USP43: variants seen among roughly 807,000 people sequenced by gnomAD.
USP43 encodes ubiquitin specific peptidase 43.
Under a neutral mutation model 90.7 loss-of-function variants are expected in USP43, and 33 were observed. The ratio of observed to expected loss-of-function variants is 0.36; its 90% CI spans 0.28 to 0.49. The LOEUF is 0.49. Among genes scored for constraint, USP43 ranks in the 20% least tolerant of loss-of-function variants. USP43 has a pLI of 0.98. For missense variants in USP43, 1,274 were observed against 1,476.4 expected (o/e 0.86, Z 2.25); for synonymous variants, 598 against 615.8 (o/e 0.97, Z 0.43).
intron 2 of USP43, among the ~76,000 whole-genome samples, chr17:9,663,075 C>G (rs1912755496): frequency 6.6e-6 from 1 of 151,980 alleles, no homozygotes. Flanking sequence ...ACCTCGGCTT[C>G]CCAAAGTGCT....
intron 2 of USP43, among the ~76,000 whole-genome samples, chr17:9,661,747 A>G (rs1397243721): frequency 7.1e-6 from 1 of 140,238 alleles, no homozygotes; most frequent in Non-Finnish European, 1.5e-5. Flanking sequence ...CAGCTAACAG[A>G]GCAGAGCCAG....
At position 9,674,974 on chromosome 17, in the gene USP43, G is replaced by T; in HGVS notation, c.824G>T (p.Arg275Leu). The T allele has an allele frequency of 6.2e-7, 1 of 1,613,880 alleles. No individual in the cohort carries two copies. The highest frequency in any genetic ancestry group is 8.5e-7 in the Non-Finnish European group (1 of 1,179,806). The change falls in exon 4 of 15, where the codon CGC becomes CTC. Residue 275 changes from arginine to leucine, a missense_variant. Coordinates refer to ENST00000285199, the MANE Select transcript of USP43 (RefSeq NM_153210.5). This position sits in a 1 kb window ranked among gnomAD's most constrained non-coding sequence, Gnocchi z 4.4. Reference sequence around the variant, plus strand: ...TGTGTGTCCCTACCTATCCCCTTGCGCCAGACGAGGTACGTGAGTGTCGCG... The same window carrying T: ...TGTGTGTCCCTACCTATCCCCTTGCTCCAGACGAGGTACGTGAGTGTCGCG... ...FLCVSLPIPL[R>L]QTRFLSVTLV...
intron 8 of USP43, among the ~76,000 whole-genome samples, chr17:9,690,372 C>T (rs1344427737): frequency 1.3e-5 from 2 of 151,976 alleles, no homozygotes; most frequent in Admixed American, 6.6e-5. Flanking sequence ...AATTTAAGCA[C>T]CTATTTCTTT....
At chr17:9,655,275 T>C (rs1296031737) in intron 1 of USP43, among the ~76,000 whole-genome samples, 1 of 152,146 alleles carries the variant, frequency 6.6e-6, no homozygotes, top group Non-Finnish European at 1.5e-5. Context: ...CATCACGTGC[T>C]GTGTGCATGT....
At chr17:9,713,029 G>C (rs574517412) in intron 14 of USP43, among the ~76,000 whole-genome samples, 1 of 152,088 alleles carries the variant, frequency 6.6e-6, no homozygotes, top group Non-Finnish European at 1.5e-5. Flanking sequence ...ACAATATATT[G>C]TTGGTAACTG....
Position 9,682,838 on chromosome 17 carries a change from T to G in USP43, c.1121T>G (p.Leu374Arg). The change falls in exon 7 of 15, where the codon CTG becomes CGG. Residue 374 changes from leucine (L) to arginine (R), a missense_variant. Around this residue, in one of 6 missense-constraint regions of USP43, gnomAD observed 253 missense variants for 276.0 expected, o/e 0.92. Coordinates refer to ENST00000285199, the MANE Select transcript of USP43 (RefSeq NM_153210.5). Reference sequence around the variant, plus strand: ...TCCCTTCTAGCTCATCCACTGGGTCTGTCGGCCTCCCCACGCCTGGCAGCC... The same window carrying G: ...TCCCTTCTAGCTCATCCACTGGGTCGGTCGGCCTCCCCACGCCTGGCAGCC... ...QGTLSAHPLG[L>R]SASPRLAARE... 1 of 1,613,998 alleles carries G rather than the reference T, an allele frequency of 6.2e-7. No homozygotes were observed. The highest frequency in any genetic ancestry group is 8.5e-7 in the Non-Finnish European group (1 of 1,179,864).
rs1217820810 is a variant in USP43 at position 9,674,695 on chromosome 17, C to T, written c.741-196C>T. ...TGTTGATGGACGGTTGGGTTGTTCC[C>T]ACCTTAACTATTGTGAATAGAGCAG... On this transcript the variant is annotated intron_variant, in intron 3 of 14. Transcript: ENST00000285199. The surrounding 1 kb of genome is among the most constrained non-coding windows in gnomAD (Gnocchi z 4.4). Among the ~76,000 whole-genome samples, 1 of 152,182 alleles carries T rather than the reference C, an allele frequency of 6.6e-6. No individual in the cohort carries two copies. The highest frequency in any genetic ancestry group is 2.4e-5 in the African/African-American group (1 of 41,428).
chr17:9,693,092 T>C (rs1156543277), intron 8 of USP43, 35 bp from the exon 9 acceptor site: 1 of 1,527,132 alleles, frequency 6.5e-7, no homozygotes, highest in Non-Finnish European at 9.0e-7. Flanking sequence ...ATATAGGGGC[T>C]ACGTAATGAT....
chr17:9,710,477 C>A (rs932423195), intron 13 of USP43, among the ~76,000 whole-genome samples: 1 of 145,390 alleles, frequency 6.9e-6, no homozygotes, highest in African/African-American at 2.6e-5. Context: ...ATAAAGGATG[C>A]AGGACTTTTC....
intron 5 of USP43, among the ~76,000 whole-genome samples, chr17:9,677,097 C>T (rs781657587): frequency 2.0e-5 from 3 of 152,104 alleles, no homozygotes; most frequent in African/African-American, 7.2e-5. Flanking sequence ...CTTTGCCTTC[C>T]GAGAAGGCAA....
In USP43 at chr17:9,701,650, T is replaced by C; in HGVS notation, c.1961T>C (p.Leu654Pro). Residue 654 changes from leucine to proline, a missense_variant, in exon 12 of 15, where the codon CTG (leucine) becomes CCG (proline). Physicochemically the swap from Leu to Pro is moderately conservative, Grantham distance 98 (BLOSUM62 -3). Around this residue, in one of 6 missense-constraint regions of USP43, gnomAD observed 285 missense variants for 349.6 expected, o/e 0.82. Coordinates refer to ENST00000285199, the MANE Select transcript of USP43 (RefSeq NM_153210.5). This position sits in a 1 kb window ranked among gnomAD's most constrained non-coding sequence, Gnocchi z 7.2. ...TACCCGCTGGACTTCCTGTACGACC[T>C]GTATGCCGTCTGCAACCACCATGGC... ...TSYPLDFLYD[L>P]YAVCNHHGNL... 1 of 1,589,030 alleles carries C rather than the reference T, an allele frequency of 6.3e-7. No homozygotes were observed. Among genetic ancestry groups the C allele is most frequent in the Non-Finnish European group, 8.6e-7 (1 of 1,168,258 alleles).
At position 9,729,076 on chromosome 17, in the gene USP43, A is replaced by C; in HGVS notation, c.*86A>C. 1 of 1,331,606 alleles carries C rather than the reference A, an allele frequency of 7.5e-7. No individual in the cohort carries two copies. Among genetic ancestry groups the C allele is most frequent in the Non-Finnish European group, 9.9e-7 (1 of 1,014,576 alleles). The allele number at this position is 1,331,606 out of a possible 1,614,324, so 82.5% of individuals were successfully genotyped here. A position where few individuals can be genotyped will look rare whatever the true frequency, so the allele number is the denominator to read the frequency against. On this transcript the variant is annotated 3_prime_UTR_variant, in exon 15 of 15. Transcript: ENST00000285199. ...CAGCTCATGTTGAGAATGGGTTTCC[A>C]GGAAACCCGTTGTCTTGTAATCTCT...
At chr17:9,691,876 C>T (rs986945852) in intron 8 of USP43, among the ~76,000 whole-genome samples, 1 of 151,398 alleles carries the variant, frequency 6.6e-6, no homozygotes, top group Non-Finnish European at 1.5e-5. Flanking sequence ...CCCGTCTTTA[C>T]TAAAAATACA....
chr17:9,728,581 T>C lies in USP43; in HGVS notation c.2963T>C (p.Leu988Pro). 1.2e-6 allele frequency: 2 copies of C among 1,613,972 alleles called. No individual in the cohort carries two copies. The highest frequency in any genetic ancestry group is 1.7e-6 in the Non-Finnish European group (2 of 1,179,878). The change falls in exon 15 of 15, where the codon CTA (leucine) becomes CCA (proline). Residue 988 changes from leucine to proline, a missense_variant. By Grantham distance (98) the Leu-to-Pro change is moderately conservative. This residue lies in a region of USP43 where 353 missense variants were observed against 329.7 expected (regional missense o/e 1.07). Coordinates refer to ENST00000285199, the MANE Select transcript of USP43 (RefSeq NM_153210.5). The surrounding 1 kb of genome is among the most constrained non-coding windows in gnomAD (Gnocchi z 6.2). Reference sequence around the variant, plus strand: ...GACAGTCGCCGAGGCACCTCTGAGCTAGACAGACCCCTGCAGGGGACACTC... The same window carrying C: ...GACAGTCGCCGAGGCACCTCTGAGCCAGACAGACCCCTGCAGGGGACACTC... The part of the protein sequence containing the change: ...SKDSRRGTSE[L>P]DRPLQGTLTL...
At chr17:9,699,547 CT>C (rs1915455198) in intron 9 of USP43, among the ~76,000 whole-genome samples, 1 of 152,218 alleles carries the variant, frequency 6.6e-6, no homozygotes, top group Non-Finnish European at 1.5e-5. Context: ...GTTGCCATCA[CT>C]TGTATCTGTT....
intron 12 of USP43, among the ~76,000 whole-genome samples, chr17:9,708,361 G>A (rs1049776099): frequency 1.3e-5 from 2 of 152,176 alleles, no homozygotes; most frequent in African/African-American, 4.8e-5. Context: ...GTGTAGAAGG[G>A]ATCTAGAGTG....
chr17:9,691,762 A>C (rs1157843037), intron 8 of USP43, among the ~76,000 whole-genome samples: 1 of 152,088 alleles, frequency 6.6e-6, no homozygotes, highest in Non-Finnish European at 1.5e-5. Context: ...TTAAAAAAAA[A>C]ATTAGGCCAG....
chr17:9,679,383 T>TGTGTAGAG (rs1914006861), intron 5 of USP43, among the ~76,000 whole-genome samples: 1 of 151,030 alleles, frequency 6.6e-6, no homozygotes, highest in Non-Finnish European at 1.5e-5. Flanking sequence ...TTAAAAAAAT[T>TGTGTAGAG]GTGTAGAGAT....
In USP43 at chr17:9,686,707, C is replaced by T; in HGVS notation, c.1242-91C>T. The T allele has an allele frequency of 9.1e-7, 1 of 1,099,340 alleles. No individual in the cohort carries two copies. Among genetic ancestry groups the T allele is most frequent in the Non-Finnish European group, 1.3e-6 (1 of 750,696 alleles). 68.1% of individuals were successfully genotyped at this position (1,099,340 alleles called of 1,614,324 possible). A position where few individuals can be genotyped will look rare whatever the true frequency, so the allele number is the denominator to read the frequency against. ...TAGCTCTTGTCACTTATCCTATTGACAGGAAGCCAGGGTTAGAACAACCAC... is the reference window on the plus strand; with the variant it reads ...TAGCTCTTGTCACTTATCCTATTGATAGGAAGCCAGGGTTAGAACAACCAC... On this transcript the variant is annotated intron_variant, in intron 7 of 14. Coordinates refer to ENST00000285199, the MANE Select transcript of USP43 (RefSeq NM_153210.5). The surrounding 1 kb of genome is among the most constrained non-coding windows in gnomAD (Gnocchi z 5.5).
Sources: gnomAD v4.1 joint callset for allele counts (sites outside exome capture counted in the v4.1 genomes callset) on GRCh38, gnomAD v4.1.1 for gene constraint, gnomAD v4.1.1 regional missense constraint, Gnocchi (gnomAD v3.1) non-coding constraint, MANE v1.5 for transcripts, NCBI Gene and HGNC (gene_info 2026-07-23, HGNC 2026-07-21) for gene names.